Variants in NAV2 observed in about 807,000 individuals in gnomAD.
The protein encoded by NAV2 is helicase, APC down-regulated 1.
NAV2 carries 54 observed loss-of-function variants against 223.2 expected under a neutral mutation model. The ratio of observed to expected loss-of-function variants is 0.24; its 90% confidence interval spans 0.19 to 0.30. The LOEUF (loss-of-function observed/expected upper bound fraction) is 0.30, where lower values mean the gene tolerates loss of function less well. NAV2 is among the 10% of genes least tolerant of loss of function. The pLI, the probability that NAV2 is intolerant of heterozygous loss-of-function variation, is 1.00. For synonymous variants in NAV2, 1,279 were observed against 1,239.3 expected, an observed-to-expected ratio of 1.03 and a Z score of -0.67; for missense variants, 2,806 against 3,147.5, an observed-to-expected ratio of 0.89 and a Z score of 2.60.
intron 1 of NAV2, among the ~76,000 whole-genome samples, chr11:19,359,567 T>C (rs1458018282): frequency 6.6e-6 from 1 of 152,200 alleles, no homozygotes; most frequent in Non-Finnish European, 1.5e-5. Flanking sequence ...ATGAGGAGTC[T>C]CAATTTCTGA....
At chr11:19,523,345 G>T (rs956133779) in intron 1 of NAV2, among the ~76,000 whole-genome samples, 1 of 150,908 alleles carries the variant, frequency 6.6e-6, no homozygotes, top group Non-Finnish European at 1.5e-5. Flanking sequence ...TGGGGCACAG[G>T]CTCTGGAGTC....
Position 19,689,254 on chromosome 11 carries a change from T to C in NAV2, c.76-143230T>C, listed in dbSNP as rs150501200. Among the ~76,000 whole-genome samples, 7 of 152,336 alleles carry C rather than the reference T, an allele frequency of 4.6e-5. No homozygotes were observed. In the East Asian group the frequency reaches 1.4e-3, roughly 29 times the overall value. ...GGAGCAGCCAGAGGTGGAAAATCTG[T>C]AGGGCTAGTGCAAATTATATTCAAG... is the stretch of plus-strand genomic sequence containing the variant. On this transcript the variant is annotated intron_variant, in intron 1 of 37. Transcript: ENST00000360655.
chr11:19,944,765 C>T (rs1397344783), intron 8 of NAV2, among the ~76,000 whole-genome samples: 1 of 130,348 alleles, frequency 7.7e-6, no homozygotes, highest in South Asian at 2.4e-4. Context: ...CTTTCCTTTC[C>T]TTCCTTCTTT....
At chr11:20,059,053 A>G (rs937059062) in intron 19 of NAV2, among the ~76,000 whole-genome samples, 6 of 150,648 alleles carry the variant, frequency 4.0e-5, no homozygotes, top group African/African-American at 1.5e-4. Context: ...ACTCAATCCT[A>G]CCTTGATATC....
At chr11:19,481,128 C>T (rs1252074802) in intron 1 of NAV2, among the ~76,000 whole-genome samples, 2 of 152,140 alleles carry the variant, frequency 1.3e-5, no homozygotes, top group Non-Finnish European at 2.9e-5. Flanking sequence ...ATCAAATCAC[C>T]AGTGTCTACA....
chr11:19,578,328 A>G (rs952860991), intron 1 of NAV2, among the ~76,000 whole-genome samples: 2 of 152,234 alleles, frequency 1.3e-5, no homozygotes, highest in African/African-American at 4.8e-5. Flanking sequence ...GAAATGAGCC[A>G]GTGATTTGCT....
chr11:19,417,365 TAG>T (rs1214874887), intron 1 of NAV2, among the ~76,000 whole-genome samples: 1 of 152,158 alleles, frequency 6.6e-6, no homozygotes, highest in Non-Finnish European at 1.5e-5. Context: ...CACTGATAAT[TAG>T]AGAAATGCAA....
intron 1 of NAV2, among the ~76,000 whole-genome samples, chr11:19,677,837 CA>C (rs2048759421): frequency 6.6e-6 from 1 of 152,210 alleles, no homozygotes; most frequent in Non-Finnish European, 1.5e-5. Context: ...GCTACAAGGG[CA>C]AGATTGAGTG....
intron 3 of NAV2, among the ~76,000 whole-genome samples, chr11:19,863,593 C>T (rs2061918393): frequency 6.6e-6 from 1 of 152,168 alleles, no homozygotes; most frequent in African/African-American, 2.4e-5. Flanking sequence ...AAACCCTATC[C>T]ATGGACCTAT....
At chr11:19,957,896 G>C (rs2048016400) in intron 10 of NAV2, among the ~76,000 whole-genome samples, 1 of 151,524 alleles carries the variant, frequency 6.6e-6, no homozygotes, top group African/African-American at 2.4e-5. Flanking sequence ...AATTTATGGG[G>C]AAGAGAGAGA....
At chr11:19,347,955 C>T (rs1214194824), upstream of NAV2, among the ~76,000 whole-genome samples, 1 of 152,192 alleles carries the variant, frequency 6.6e-6, no homozygotes, top group East Asian at 1.9e-4. Context: ...AGCATCCTTG[C>T]TTCTCCTCTT....
chr11:19,352,752 T>C (rs1853396841), intron 1 of NAV2, among the ~76,000 whole-genome samples: 1 of 152,266 alleles, frequency 6.6e-6, no homozygotes, highest in Admixed American at 6.5e-5. Flanking sequence ...CTGAATTTTC[T>C]GGGCTGTGGT....
At chr11:19,404,798 T>TTTAAACTCA (rs1849825751) in intron 1 of NAV2, among the ~76,000 whole-genome samples, 3 of 152,210 alleles carry the variant, frequency 2.0e-5, no homozygotes, top group Non-Finnish European at 2.9e-5. Flanking sequence ...TCCAATGAAT[T>TTTAAACTCA]CATGATTAAA....
In NAV2 at chr11:20,092,262, C is replaced by G. The variant is rs541647379; in HGVS notation, c.5709C>G (p.Gly1903=). 3.8e-5 allele frequency: 62 copies of G among 1,614,072 alleles called. No individual in the cohort carries two copies. The South Asian group carries it at 6.4e-4, about 17-fold the overall frequency. Residue 1903 remains glycine, a synonymous_variant, in exon 28 of 38, where the codon GGC becomes GGG. Transcript: ENST00000349880. ...ENDRLKSESQ[G]SGCSRAPSQV... is the part of the protein sequence containing the mutation. ...ATCGGCTGAAGTCAGAGTCTCAAGG[C>G]AGTGGCTGCAGCCGGGCTCCTTCCC... is the stretch of plus-strand genomic sequence containing the variant.
chr11:19,377,093 G>A (rs551190274), intron 1 of NAV2, among the ~76,000 whole-genome samples: 1 of 152,186 alleles, frequency 6.6e-6, no homozygotes, highest in South Asian at 2.1e-4. Context: ...AGGAGACCTG[G>A]TTCTGGCTCC....
At chr11:19,813,845 A>G (rs1181151093) in intron 1 of NAV2, among the ~76,000 whole-genome samples, 1 of 152,150 alleles carries the variant, frequency 6.6e-6, no homozygotes, top group African/African-American at 2.4e-5. Flanking sequence ...TCCTGTGACC[A>G]TTATAAAGTG....
intron 3 of NAV2, among the ~76,000 whole-genome samples, chr11:19,862,224 T>A (rs1647338805): frequency 1.3e-5 from 2 of 152,218 alleles, no homozygotes; most frequent in Non-Finnish European, 2.9e-5. Flanking sequence ...AAAAAGGGAA[T>A]TTTTGACAAC....
chr11:19,900,733 T>A (rs570519757), intron 6 of NAV2, among the ~76,000 whole-genome samples: 28 of 152,304 alleles, frequency 1.8e-4, no homozygotes, highest in African/African-American at 5.1e-4. Flanking sequence ...TATTTATACC[T>A]CATTTATGGT....
chr11:20,105,425 T>G (rs1405610575), intron 34 of NAV2, 106 bp from the exon 35 acceptor site: 1 of 861,198 alleles, frequency 1.2e-6, no homozygotes, highest in Non-Finnish European at 1.9e-6. Context: ...TCCAATTTGT[T>G]GCATTAGCAT....
Sources: gnomAD v4.1 joint callset for allele counts (sites outside exome capture counted in the v4.1 genomes callset) on GRCh38, gnomAD v4.1.1 for gene constraint, MANE v1.5 for transcripts, NCBI Gene and HGNC (gene_info 2026-07-23, HGNC 2026-07-21) for gene names.